Variants in RAB10 observed in about 807,000 individuals in gnomAD.
RAB10 encodes the protein RAB10, member RAS oncogene family.
RAB10 carries 5 observed loss-of-function variants against 25.7 expected under a neutral mutation model. That is an observed-to-expected ratio of 0.19 (90% confidence interval 0.10 to 0.41). The LOEUF is 0.41. Among genes scored for constraint, RAB10 ranks in the 10% least tolerant of loss-of-function variants. RAB10 has a pLI of 1.00. For synonymous variants in RAB10, 89 were observed against 86.4 expected, an observed-to-expected ratio of 1.03 and a Z score of -0.16; for missense variants, 103 against 245.8, an observed-to-expected ratio of 0.42 and a Z score of 3.89.
At chr2:26,079,430 AAAG>A (rs1273577410) in intron 1 of RAB10, among the ~76,000 whole-genome samples, 1 of 152,056 alleles carries the variant, frequency 6.6e-6, no homozygotes, top group Non-Finnish European at 1.5e-5. Context: ...GTTGTTGAAG[AAAG>A]AAGTTGAAAG....
At chr2:26,093,188 T>A (rs1269814714) in intron 1 of RAB10, among the ~76,000 whole-genome samples, 1 of 152,144 alleles carries the variant, frequency 6.6e-6, no homozygotes, top group Admixed American at 6.5e-5. Context: ...GTTTCTTCCT[T>A]TTATATGGTG....
chr2:26,091,104 C>A (rs557596077), intron 1 of RAB10, among the ~76,000 whole-genome samples: 1 of 152,208 alleles, frequency 6.6e-6, no homozygotes, highest in East Asian at 1.9e-4. Flanking sequence ...CAGAAAACAT[C>A]ATTTATCTGT....
At chr2:26,072,269 A>G (rs1351774598) in intron 1 of RAB10, among the ~76,000 whole-genome samples, 1 of 152,162 alleles carries the variant, frequency 6.6e-6, no homozygotes, top group African/African-American at 2.4e-5. Flanking sequence ...TACAAAAATT[A>G]GCTGGGCATG....
chr2:26,051,034 T>A (rs971134955), intron 1 of RAB10, among the ~76,000 whole-genome samples: 2 of 151,890 alleles, frequency 1.3e-5, no homozygotes, highest in Non-Finnish European at 2.9e-5. Context: ...TCTTCCTGGG[T>A]TCAAGTGATC....
At chr2:26,096,454 A>C (rs1276610764) in intron 1 of RAB10, among the ~76,000 whole-genome samples, 1 of 151,852 alleles carries the variant, frequency 6.6e-6, no homozygotes. Context: ...GGATGGATGG[A>C]TGGATGGATC....
At chr2:26,057,620 T>TTCATTCATTCATTCATTCATTCATTCA (rs1553724597) in intron 1 of RAB10, among the ~76,000 whole-genome samples, 45 of 149,076 alleles carry the variant, frequency 3.0e-4, no homozygotes, top group Non-Finnish European at 4.3e-4. Context: ...GGCAAGTTTC[T>TTCATTCATTCATTCATTCATTCATTCA]TTCATTCATT....
chr2:26,119,551 G>A (rs1219193403), intron 3 of RAB10, among the ~76,000 whole-genome samples: 1 of 151,374 alleles, frequency 6.6e-6, no homozygotes, highest in Admixed American at 6.6e-5. Flanking sequence ...TTAAAGACAG[G>A]GTCTCACTCT....
intron 1 of RAB10, among the ~76,000 whole-genome samples, chr2:26,080,916 G>A (rs1244040633): frequency 6.6e-6 from 1 of 152,290 alleles, no homozygotes; most frequent in South Asian, 2.1e-4. Flanking sequence ...AAGACCTGTT[G>A]ATATGGTCTG....
At chr2:26,107,806 A>C (rs553534389) in intron 2 of RAB10, among the ~76,000 whole-genome samples, 5 of 151,876 alleles carry the variant, frequency 3.3e-5, no homozygotes, top group South Asian at 4.2e-4. Context: ...CAAAAAAAAA[A>C]CCCCAAAAAC....
Position 26,077,983 on chromosome 2 carries a change from AAAAT to A in RAB10, c.128-20671_128-20668del, listed in dbSNP as rs750484009. ...GACAGAACGAGACTCCGTCTAAAAA[AAAAT>A]AAATAAAAAAGGTAAAGGTCTGTAG... is the stretch of plus-strand genomic sequence containing the variant. On this transcript the variant is annotated intron_variant, in intron 1 of 5. Coordinates refer to ENST00000264710, the MANE Select transcript of RAB10 (RefSeq NM_016131.5). Among the ~76,000 whole-genome samples the A allele has an allele frequency of 7.2e-5, 11 of 152,322 alleles. No individual in the cohort carries two copies. The East Asian group carries it at 1.2e-3, about 16-fold the overall frequency.
chr2:26,108,836 A>G (rs1667515435), intron 2 of RAB10, among the ~76,000 whole-genome samples: 1 of 152,014 alleles, frequency 6.6e-6, no homozygotes, highest in South Asian at 2.1e-4. Context: ...AGGAGCAGGG[A>G]TAGTTGGAGA....
At position 26,135,197 on chromosome 2, in the gene RAB10, A is replaced by T; in HGVS notation, c.*176A>T. On this transcript the variant is annotated 3_prime_UTR_variant, in exon 6 of 6. Coordinates refer to ENST00000264710, the MANE Select transcript of RAB10 (RefSeq NM_016131.5). ...GTGACTGCTTGCTGACTTTATCATA[A>T]TTTTCTTCAAACAAAAAAATGTATA... 1 of 510,156 alleles carries T rather than the reference A, an allele frequency of 2.0e-6. No homozygotes were observed. Among genetic ancestry groups the T allele is most frequent in the Non-Finnish European group, 3.4e-6 (1 of 294,644 alleles). 31.6% of individuals were successfully genotyped at this position (510,156 alleles called of 1,614,324 possible).
At chr2:26,107,843 TG>T (rs1180854229) in intron 2 of RAB10, among the ~76,000 whole-genome samples, 1 of 143,268 alleles carries the variant, frequency 7.0e-6, no homozygotes, top group African/African-American at 2.6e-5. Flanking sequence ...AATTAGAAAA[TG>T]GGCAAAAAAA....
chr2:26,088,622 C>T (rs1375855051), intron 1 of RAB10, among the ~76,000 whole-genome samples: 1 of 151,978 alleles, frequency 6.6e-6, no homozygotes, highest in Non-Finnish European at 1.5e-5. Context: ...GTCCCCCCAC[C>T]AAGTTGGAGT....
At chr2:26,059,915 AT>A (rs1361208889) in intron 1 of RAB10, among the ~76,000 whole-genome samples, 6 of 152,226 alleles carry the variant, frequency 3.9e-5, no homozygotes, top group Admixed American at 2.0e-4. Context: ...TGTGTTTTAA[AT>A]TATGTGGGTT....
intron 1 of RAB10, among the ~76,000 whole-genome samples, chr2:26,093,021 C>T (rs1397944150): frequency 1.3e-5 from 2 of 151,886 alleles, no homozygotes; most frequent in Non-Finnish European, 2.9e-5. Context: ...AAGGTAAACC[C>T]AAGAGTTTGA....
chr2:26,115,968 T>C (rs1223432517), intron 3 of RAB10, among the ~76,000 whole-genome samples: 1 of 151,924 alleles, frequency 6.6e-6, no homozygotes, highest in African/African-American at 2.4e-5. Flanking sequence ...TAAGTGATTC[T>C]TCTGCCTCAG....
intron 1 of RAB10, among the ~76,000 whole-genome samples, chr2:26,070,006 C>T (rs539796874): frequency 6.6e-6 from 1 of 152,316 alleles, no homozygotes; most frequent in East Asian, 1.9e-4. Flanking sequence ...CGCACCTGGC[C>T]TCCGATACTT....
intron 1 of RAB10, among the ~76,000 whole-genome samples, chr2:26,073,122 TG>T (rs1305487222): frequency 6.6e-6 from 1 of 152,216 alleles, no homozygotes; most frequent in Non-Finnish European, 1.5e-5. Context: ...TGGTGTGTAT[TG>T]GTAGTTAGTG....
Sources: gnomAD v4.1 joint callset for allele counts (sites outside exome capture counted in the v4.1 genomes callset) on GRCh38, gnomAD v4.1.1 for gene constraint, MANE v1.5 for transcripts, NCBI Gene and HGNC (gene_info 2026-07-23, HGNC 2026-07-21) for gene names.